Variants in ABTB3 observed in about 807,000 individuals in gnomAD.
ABTB3 encodes the protein ankyrin repeat- and BTB/POZ domain-containing protein 3.
At chr12:107,329,249 C>G in the ABTB3 span, among the ~76,000 whole-genome samples, 1 of 152,140 alleles carries the variant, frequency 6.6e-6, no homozygotes, top group South Asian at 2.1e-4. Context: ...TTCCCAGACT[C>G]TGGAGTTAGG....
the ABTB3 span, among the ~76,000 whole-genome samples, chr12:107,370,736 TGGCTGCCTATCAAAAAA>T: frequency 6.6e-6 from 1 of 151,354 alleles, no homozygotes; most frequent in African/African-American, 2.4e-5. Flanking sequence ...GGTGCTTCTT[TGGCTGCCTATCAAAAAA>T]GGGATTTTTT....
chr12:107,550,494 TAA>T, the ABTB3 span, among the ~76,000 whole-genome samples: 151 of 124,860 alleles, frequency 1.2e-3, no homozygotes, highest in South Asian at 6.6e-3. Context: ...TCTGGGAAGC[TAA>T]AAAAAAAAAA....
the ABTB3 span, chr12:107,642,160 T>C: frequency 6.2e-7 from 1 of 1,613,998 alleles, no homozygotes; most frequent in Non-Finnish European, 8.5e-7. Flanking sequence ...TGTGAAATAC[T>C]CCATCTTTCA....
the ABTB3 span, among the ~76,000 whole-genome samples, chr12:107,597,168 T>C: frequency 3.3e-5 from 5 of 152,230 alleles, no homozygotes; most frequent in Admixed American, 3.3e-4. Flanking sequence ...TCTAACATTC[T>C]TATCTTGAGC....
At chr12:107,434,939 T>C in the ABTB3 span, among the ~76,000 whole-genome samples, 1 of 152,100 alleles carries the variant, frequency 6.6e-6, no homozygotes, top group African/African-American at 2.4e-5. Flanking sequence ...AATAATTAAT[T>C]CTTCCAAGGG....
chr12:107,593,665 C>T, the ABTB3 span, among the ~76,000 whole-genome samples: 1 of 152,202 alleles, frequency 6.6e-6, no homozygotes, highest in Admixed American at 6.5e-5. Flanking sequence ...ATTCAAAATA[C>T]ATGTGGCTTG....
At chr12:107,370,616 CA>C in the ABTB3 span, among the ~76,000 whole-genome samples, 264 of 152,246 alleles carry the variant, frequency 1.7e-3, no homozygotes, top group African/African-American at 6.1e-3. Flanking sequence ...TTGAGGGAAG[CA>C]TGGGAAGTGT....
the ABTB3 span, among the ~76,000 whole-genome samples, chr12:107,403,815 C>G: frequency 2.0e-3 from 297 of 152,166 alleles, 1 homozygote; most frequent in Admixed American, 3.4e-3. Context: ...CTAGGGAACT[C>G]TAAAAATGCC....
At chr12:107,425,863 T>C in the ABTB3 span, among the ~76,000 whole-genome samples, 1 of 152,228 alleles carries the variant, frequency 6.6e-6, no homozygotes, top group African/African-American at 2.4e-5. Context: ...TGGGAGGTTG[T>C]AACCTTTCAA....
chr12:107,547,960 C>A, the ABTB3 span, among the ~76,000 whole-genome samples: 1 of 152,172 alleles, frequency 6.6e-6, no homozygotes, highest in Non-Finnish European at 1.5e-5. Flanking sequence ...CTTAAAGAAA[C>A]CTGCCTGTGA....
At chr12:107,612,379 T>C in the ABTB3 span, among the ~76,000 whole-genome samples, 2 of 152,206 alleles carry the variant, frequency 1.3e-5, no homozygotes, top group Non-Finnish European at 2.9e-5. Flanking sequence ...ATGACACTGT[T>C]ATATTGTGAA....
At chr12:107,512,573 G>T in the ABTB3 span, among the ~76,000 whole-genome samples, 3 of 152,220 alleles carry the variant, frequency 2.0e-5, no homozygotes, top group African/African-American at 7.2e-5. Context: ...CAGGGATCCA[G>T]CTGTCTATGT....
the ABTB3 span, among the ~76,000 whole-genome samples, chr12:107,595,492 G>C: frequency 1.3e-5 from 2 of 152,194 alleles, no homozygotes; most frequent in Admixed American, 1.3e-4. Flanking sequence ...GCAATGGCAA[G>C]AGAACCTTAA....
chr12:107,537,470 T>G, the ABTB3 span, among the ~76,000 whole-genome samples: 1 of 152,122 alleles, frequency 6.6e-6, no homozygotes, highest in African/African-American at 2.4e-5. Flanking sequence ...TATACATGTA[T>G]CAAAATATCA....
chr12:107,373,630 C>A, the ABTB3 span, among the ~76,000 whole-genome samples: 1 of 152,166 alleles, frequency 6.6e-6, no homozygotes, highest in Admixed American at 6.5e-5. Flanking sequence ...GCATATTCAT[C>A]CCACATCCCC....
the ABTB3 span, among the ~76,000 whole-genome samples, chr12:107,329,981 G>A: frequency 6.6e-6 from 1 of 152,200 alleles, no homozygotes; most frequent in African/African-American, 2.4e-5. Flanking sequence ...CTCTTGATGT[G>A]GTTGGGAGTA....
chr12:107,605,524 G>A, the ABTB3 span, among the ~76,000 whole-genome samples: 3 of 152,226 alleles, frequency 2.0e-5, no homozygotes, highest in Non-Finnish European at 4.4e-5. Flanking sequence ...TCAGAAGAAA[G>A]AGGAGAGTCG....
chr12:107,473,990 G>C, the ABTB3 span, among the ~76,000 whole-genome samples: 21 of 152,116 alleles, frequency 1.4e-4, no homozygotes, highest in East Asian at 3.7e-3. Flanking sequence ...CACCATGTTG[G>C]CCAGGCTGGT....
chr12:107,492,192 C>A, the ABTB3 span, among the ~76,000 whole-genome samples: 1 of 152,158 alleles, frequency 6.6e-6, no homozygotes. Flanking sequence ...TGGATGAGAA[C>A]TTAGATATCT....
Sources: gnomAD v4.1 joint callset for allele counts (sites outside exome capture counted in the v4.1 genomes callset) on GRCh38, gnomAD v4.1.1 for gene constraint, MANE v1.5 for transcripts, NCBI Gene and HGNC (gene_info 2026-07-23, HGNC 2026-07-21) for gene names.